Variants in LINGO1 observed in about 807,000 individuals in gnomAD.
LINGO1 encodes the protein leucine rich repeat and Ig domain containing 1.
Under a neutral mutation model 37.3 loss-of-function variants are expected in LINGO1, and 11 were observed. The ratio of observed to expected loss-of-function variants is 0.29; its 90% CI spans 0.19 to 0.49. LINGO1 has a LOEUF of 0.49. LINGO1 is among the 20% of genes least tolerant of loss of function. The pLI, the probability that LINGO1 is intolerant of heterozygous loss-of-function variation, is 0.99. For synonymous variants in LINGO1, 387 were observed against 403.0 expected, an observed-to-expected ratio of 0.96 and a Z score of 0.48; for missense variants, 585 against 878.2, an observed-to-expected ratio of 0.67 and a Z score of 4.22.
intron 1 of LINGO1, among the ~76,000 whole-genome samples, chr15:77,747,063 C>G (rs1109886): frequency 0.51 from 77,562 of 151,960 alleles, 19,878 homozygotes; most frequent in Admixed American, 0.56. Context: ...CCATGGACCT[C>G]TCCCTCAGGA....
At chr15:77,638,255 G>A (rs1168764497), upstream of LINGO1, among the ~76,000 whole-genome samples, 1 of 151,904 alleles carries the variant, frequency 6.6e-6, no homozygotes, top group Non-Finnish European at 1.5e-5. Flanking sequence ...GGGCCAGTCC[G>A]TAAAGGGCCC....
chr15:77,781,454 T>A (rs1328910115), intron 1 of LINGO1, among the ~76,000 whole-genome samples: 2 of 152,206 alleles, frequency 1.3e-5, no homozygotes, highest in East Asian at 3.8e-4. Context: ...TCATAAGACA[T>A]GTTTAATTAA....
At chr15:77,766,388 A>C (rs1044095968) in intron 1 of LINGO1, among the ~76,000 whole-genome samples, 3 of 152,050 alleles carry the variant, frequency 2.0e-5, no homozygotes, top group African/African-American at 4.8e-5. Flanking sequence ...AAAAAAAAAA[A>C]ACCTATCATT....
At chr15:77,811,483 C>T (rs2077005537) in intron 1 of LINGO1, among the ~76,000 whole-genome samples, 1 of 151,738 alleles carries the variant, frequency 6.6e-6, no homozygotes, top group African/African-American at 2.4e-5. Flanking sequence ...AGCCTGCCTC[C>T]TAGATCCCAC....
intron 2 of LINGO1, among the ~76,000 whole-genome samples, chr15:77,716,612 G>C (rs919374822): frequency 4.8e-4 from 72 of 150,260 alleles, no homozygotes; most frequent in African/African-American, 1.7e-3. Context: ...TACACAACAT[G>C]AGTGAAGAGC....
At chr15:77,650,428 C>A (rs1444126593) in intron 3 of LINGO1, among the ~76,000 whole-genome samples, 1 of 152,216 alleles carries the variant, frequency 6.6e-6, no homozygotes, top group Non-Finnish European at 1.5e-5. Flanking sequence ...TGTCTCCATG[C>A]AGGGAAGACT....
chr15:77,693,410 G>C (rs2075638426), intron 1 of LINGO1, among the ~76,000 whole-genome samples: 1 of 152,186 alleles, frequency 6.6e-6, no homozygotes, highest in Non-Finnish European at 1.5e-5. Context: ...AGGGCTGGTG[G>C]GTTACTCAAG....
chr15:77,645,341 G>C (rs540420715), intron 3 of LINGO1, among the ~76,000 whole-genome samples: 2 of 147,372 alleles, frequency 1.4e-5, no homozygotes, highest in East Asian at 2.2e-4. Flanking sequence ...GGGTGGGTGG[G>C]ATAGGGTGGA....
intron 3 of LINGO1, chr15:77,668,210 A>G (rs1426189758): frequency 6.6e-6 from 1 of 152,340 alleles, no homozygotes; most frequent in Admixed American, 6.5e-5. Flanking sequence ...ACTGGAAGGC[A>G]CCAGCAAAGG....
chr15:77,682,698 G>A (rs1005212370), intron 2 of LINGO1, among the ~76,000 whole-genome samples: 1 of 151,882 alleles, frequency 6.6e-6, no homozygotes, highest in African/African-American at 2.4e-5. Flanking sequence ...TGGGCACAAA[G>A]GTCTCAGCTG....
chr15:77,808,092 G>A (rs1461025847), intron 1 of LINGO1, among the ~76,000 whole-genome samples: 1 of 151,552 alleles, frequency 6.6e-6, no homozygotes. Context: ...CCCCCTGCTC[G>A]CTCACCCCTT....
upstream of LINGO1, among the ~76,000 whole-genome samples, chr15:77,789,698 C>T (rs2076803312): frequency 6.6e-6 from 1 of 152,138 alleles, no homozygotes; most frequent in African/African-American, 2.4e-5. Context: ...TAGCCATCTA[C>T]AAGCCAAGGA....
At chr15:77,681,323 T>C (rs149447168) in intron 2 of LINGO1, among the ~76,000 whole-genome samples, 13 of 152,092 alleles carry the variant, frequency 8.5e-5, no homozygotes, top group Non-Finnish European at 1.8e-4. Flanking sequence ...ATCATGGCCA[T>C]AGCATTTGCT....
chr15:77,615,740 A>T lies in LINGO1; in HGVS notation c.167T>A (p.Leu56Gln). ...TGCCACAAAGCGCTTGCGGTGGCAC[A>T]GCACAGCGCGGTCCTGGGCGGAGCA... ...CECSAQDRAV[L>Q]CHRKRFVAVP... Residue 56 changes from leucine to glutamine, a missense_variant, in exon 2 of 2, where the codon CTG (leucine) becomes CAG (glutamine). Leu to Gln is a moderately radical substitution (Grantham distance 113, BLOSUM62 -2). Transcript: ENST00000355300. 2 of 1,592,072 alleles carry T rather than the reference A, an allele frequency of 1.3e-6. No individual in the cohort carries two copies. The highest frequency in any genetic ancestry group is 1.7e-6 in the Non-Finnish European group (2 of 1,172,302).
intron 3 of LINGO1, among the ~76,000 whole-genome samples, chr15:77,670,594 C>T (rs1410544159): frequency 6.6e-6 from 1 of 152,250 alleles, no homozygotes; most frequent in Admixed American, 6.5e-5. Flanking sequence ...ACACAGGGCA[C>T]ACTTCATACT....
At chr15:77,691,061 C>G (rs536133552) in intron 1 of LINGO1, among the ~76,000 whole-genome samples, 2 of 152,354 alleles carry the variant, frequency 1.3e-5, no homozygotes, top group East Asian at 3.9e-4. Flanking sequence ...AACTTTCTAC[C>G]ACAATGACAA....
intron 1 of LINGO1, among the ~76,000 whole-genome samples, chr15:77,769,505 C>T (rs924640438): frequency 3.3e-5 from 5 of 152,200 alleles, no homozygotes; most frequent in African/African-American, 9.6e-5. Flanking sequence ...TGAGAAGGCA[C>T]GTTCCCATGG....
intron 1 of LINGO1, among the ~76,000 whole-genome samples, chr15:77,775,775 T>C (rs1417924684): frequency 6.6e-6 from 1 of 151,636 alleles, no homozygotes; most frequent in Non-Finnish European, 1.5e-5. Flanking sequence ...TCTGAAAATT[T>C]CTCCCAGCCA....
intron 1 of LINGO1, among the ~76,000 whole-genome samples, chr15:77,752,448 A>C (rs2076381263): frequency 6.6e-6 from 1 of 152,206 alleles, no homozygotes; most frequent in Admixed American, 6.5e-5. Flanking sequence ...AAAGCAACAC[A>C]AATCGATGGG....
Sources: allele counts gnomAD v4.1 joint callset (sites outside exome capture counted in the v4.1 genomes callset), GRCh38; gene constraint gnomAD v4.1.1; transcripts MANE v1.5; gene names NCBI Gene and HGNC (gene_info 2026-07-23, HGNC 2026-07-21).